Variants in NCAM2 observed in about 807,000 individuals in gnomAD.
NCAM2 encodes the protein N-CAM-2.
Under a neutral mutation model 98.1 loss-of-function variants are expected in NCAM2, and 30 were observed. The ratio of observed to expected loss-of-function variants is 0.31; its 90% CI spans 0.23 to 0.41. NCAM2 has a LOEUF of 0.41. Among genes scored for constraint, NCAM2 ranks in the 10% least tolerant of loss-of-function variants. NCAM2 has a pLI of 1.00. For synonymous variants in NCAM2, 368 were observed against 342.4 expected, an observed-to-expected ratio of 1.07 and a Z score of -0.83; for missense variants, 867 against 1,005.8, an observed-to-expected ratio of 0.86 and a Z score of 1.87.
chr21:21,327,449 A>G (rs985668453), intron 6 of NCAM2, among the ~76,000 whole-genome samples: 12 of 152,016 alleles, frequency 7.9e-5, no homozygotes, highest in African/African-American at 2.9e-4. Flanking sequence ...CTCCTCTTTC[A>G]GAAACAGCAA....
intron 8 of NCAM2, among the ~76,000 whole-genome samples, chr21:21,357,946 G>T (rs972393458): frequency 6.6e-6 from 1 of 152,002 alleles, no homozygotes; most frequent in Non-Finnish European, 1.5e-5. Context: ...ACATACAGCC[G>T]AACTAGACAC....
At chr21:21,307,626 CTCTT>C (rs946362411) in intron 5 of NCAM2, among the ~76,000 whole-genome samples, 1 of 152,076 alleles carries the variant, frequency 6.6e-6, no homozygotes, top group Admixed American at 6.6e-5. Context: ...AGAATCCAGC[CTCTT>C]TCTTCTGTTG....
At chr21:21,436,342 A>G (rs1450478652) in intron 12 of NCAM2, among the ~76,000 whole-genome samples, 1 of 152,186 alleles carries the variant, frequency 6.6e-6, no homozygotes, top group Admixed American at 6.5e-5. Flanking sequence ...AATACTTCCC[A>G]GAATTATTGT....
intron 17 of NCAM2, among the ~76,000 whole-genome samples, chr21:21,536,838 C>G (rs895570178): frequency 1.3e-5 from 2 of 152,026 alleles, no homozygotes; most frequent in African/African-American, 4.8e-5. Context: ...TCATTGGCAT[C>G]GAAGTAGGGT....
chr21:21,327,098 C>T (rs232477), intron 6 of NCAM2, among the ~76,000 whole-genome samples: 7,614 of 152,174 alleles, frequency 0.05, 234 homozygotes, highest in Non-Finnish European at 0.06. Flanking sequence ...CTTCGTGAAC[C>T]GCCTGCCTTT....
At chr21:21,498,261 G>T (rs1987385492) in intron 15 of NCAM2, among the ~76,000 whole-genome samples, 1 of 151,918 alleles carries the variant, frequency 6.6e-6, no homozygotes, top group Non-Finnish European at 1.5e-5. Context: ...ATTTAATTTT[G>T]ATTTTTAATG....
intron 10 of NCAM2, among the ~76,000 whole-genome samples, chr21:21,415,082 A>G (rs1256708699): frequency 1.3e-5 from 2 of 151,966 alleles, no homozygotes; most frequent in Admixed American, 6.6e-5. Flanking sequence ...TCGATTTAGC[A>G]TAATTCTTAA....
In NCAM2 at chr21:21,541,639, AC is replaced by A. The variant is rs1990236532; in HGVS notation, c.*3684del. On this transcript the variant is annotated 3_prime_UTR_variant, in exon 18 of 18. Coordinates refer to ENST00000400546, the MANE Select transcript of NCAM2 (RefSeq NM_004540.5). ...ATTTTTTATTTCGAATAATAAATCA[AC>A]CTTTATTTTTGGCAATAAGATTATC... is the stretch of plus-strand genomic sequence containing the variant. 1 of 151,714 alleles carries A rather than the reference AC, an allele frequency of 6.6e-6. No homozygotes were observed. The highest frequency in any genetic ancestry group is 6.6e-5 in the Admixed American group (1 of 15,182). The allele number at this position is 151,714 out of a possible 1,614,324, so 9.4% of individuals were successfully genotyped here. A position where few individuals can be genotyped will look rare whatever the true frequency, so the allele number is the denominator to read the frequency against.
At chr21:21,203,891 C>T (rs1206234233) in intron 1 of NCAM2, among the ~76,000 whole-genome samples, 2 of 152,128 alleles carry the variant, frequency 1.3e-5, no homozygotes, top group Non-Finnish European at 2.9e-5. Context: ...ATTCATTTTA[C>T]ATGAGTTCTT....
chr21:21,456,245 G>A (rs995375444), intron 12 of NCAM2, among the ~76,000 whole-genome samples: 1 of 152,092 alleles, frequency 6.6e-6, no homozygotes, highest in Non-Finnish European at 1.5e-5. Context: ...AGAATATGCT[G>A]GCCAGAGTGT....
chr21:21,374,816 G>C (rs1214023054), intron 9 of NCAM2, among the ~76,000 whole-genome samples: 1 of 151,782 alleles, frequency 6.6e-6, no homozygotes, highest in Non-Finnish European at 1.5e-5. Context: ...AGCATGTCTA[G>C]TACATTAATA....
intron 1 of NCAM2, among the ~76,000 whole-genome samples, chr21:21,126,734 T>A (rs764438641): frequency 3.3e-5 from 5 of 152,018 alleles, no homozygotes; most frequent in Non-Finnish European, 5.9e-5. Context: ...ACACAGAAAC[T>A]GATAATCAAA....
chr21:21,303,596 A>G (rs1047854050), intron 5 of NCAM2, among the ~76,000 whole-genome samples: 2 of 152,220 alleles, frequency 1.3e-5, no homozygotes, highest in South Asian at 2.1e-4. Context: ...TGGTATGGGC[A>G]TGTTTTTATA....
intron 8 of NCAM2, among the ~76,000 whole-genome samples, chr21:21,339,014 C>A (rs1256046040): frequency 6.6e-6 from 1 of 152,120 alleles, no homozygotes; most frequent in African/African-American, 2.4e-5. Flanking sequence ...ATTTAGAAAA[C>A]ACTGTGGTGA....
rs117100181 is a variant in NCAM2 at position 21,095,184 on chromosome 21, A to T, written c.55+96566A>T. On this transcript the variant is annotated intron_variant, in intron 1 of 17. Transcript: ENST00000400546. Reference sequence around the variant, plus strand: ...GCTTAATTGTTAAATAGTATAAATCAGCAAATTGATTCCTTCAATGCATAT... The same window carrying T: ...GCTTAATTGTTAAATAGTATAAATCTGCAAATTGATTCCTTCAATGCATAT... Among the ~76,000 whole-genome samples the T allele has an allele frequency of 8.3e-3, 1,268 of 151,862 alleles. 7 individuals are homozygous for T. Among genetic ancestry groups the T allele is most frequent in the Non-Finnish European group, 0.011 (722 of 67,726 alleles).
intron 16 of NCAM2, among the ~76,000 whole-genome samples, chr21:21,529,394 C>T (rs1193936252): frequency 6.6e-6 from 1 of 152,058 alleles, no homozygotes; most frequent in Non-Finnish European, 1.5e-5. Context: ...ATTATTTTTG[C>T]ATATCCTTCC....
In NCAM2 at chr21:20,998,526, A is replaced by G. The variant is rs1024090669; in HGVS notation, c.-38A>G. On this transcript the variant is annotated 5_prime_UTR_variant, in exon 1 of 18. Coordinates refer to ENST00000400546, the MANE Select transcript of NCAM2 (RefSeq NM_004540.5). ...GGTTCTCTCTCCAGGGCTGGACTTAATAACTTTGAAACTGTCCACCGGTGT... is the reference window on the plus strand; with the variant it reads ...GGTTCTCTCTCCAGGGCTGGACTTAGTAACTTTGAAACTGTCCACCGGTGT... The G allele has an allele frequency of 1.9e-6, 3 of 1,606,124 alleles. No homozygotes were observed. The highest frequency in any genetic ancestry group is 2.7e-5 in the African/African-American group (2 of 74,712).
chr21:21,400,733 C>G (rs1208072749), intron 9 of NCAM2, among the ~76,000 whole-genome samples: 1 of 151,896 alleles, frequency 6.6e-6, no homozygotes, highest in Non-Finnish European at 1.5e-5. Context: ...TCAAAGGCAC[C>G]TTATTGTACA....
intron 1 of NCAM2, among the ~76,000 whole-genome samples, chr21:21,113,138 G>A (rs534775994): frequency 2.1e-4 from 32 of 152,134 alleles, no homozygotes; most frequent in Non-Finnish European, 3.4e-4. Context: ...GGGGTTCTGT[G>A]AGGTTAAAAA....
Sources: gnomAD v4.1 joint callset for allele counts (sites outside exome capture counted in the v4.1 genomes callset) on GRCh38, gnomAD v4.1.1 for gene constraint, MANE v1.5 for transcripts, NCBI Gene and HGNC (gene_info 2026-07-23, HGNC 2026-07-21) for gene names.